Variants in ENTHD1 observed in about 807,000 individuals in gnomAD.
The protein encoded by ENTHD1 is ENTH domain containing 1.
Under a neutral mutation model 39.1 loss-of-function variants are expected in ENTHD1, and 23 were observed. That is an observed-to-expected ratio of 0.59 (90% confidence interval 0.42 to 0.83). The LOEUF is 0.83. ENTHD1 is among the 40% of genes least tolerant of loss of function. The pLI, the probability that ENTHD1 is intolerant of heterozygous loss-of-function variation, is 0.00. For synonymous variants in ENTHD1, 230 were observed against 258.2 expected, an observed-to-expected ratio of 0.89 and a Z score of 1.05; for missense variants, 624 against 705.4, an observed-to-expected ratio of 0.88 and a Z score of 1.31.
In ENTHD1 at chr22:39,887,872, A is replaced by G. The variant is rs2066393763; in HGVS notation, c.-124T>C. The G allele has an allele frequency of 3.2e-6, 2 of 633,882 alleles. No individual in the cohort carries two copies. The highest frequency in any genetic ancestry group is 1.8e-5 in the African/African-American group (1 of 54,502). 39.3% of individuals were successfully genotyped at this position (633,882 alleles called of 1,614,324 possible). A position where few individuals can be genotyped will look rare whatever the true frequency, so the allele number is the denominator to read the frequency against. ...GTTCTGCTGCTCCCAAATACAAATAATTAATCTCTATGTTGATAAAGTATC... is the reference window on the plus strand; with the variant it reads ...GTTCTGCTGCTCCCAAATACAAATAGTTAATCTCTATGTTGATAAAGTATC... On this transcript the variant is annotated 5_prime_UTR_variant, in exon 2 of 7. Coordinates refer to ENST00000325157, the MANE Select transcript of ENTHD1 (RefSeq NM_152512.4).
chr22:39,888,796 C>T (rs1182776541), intron 1 of ENTHD1, among the ~76,000 whole-genome samples: 2 of 152,058 alleles, frequency 1.3e-5, no homozygotes, highest in African/African-American at 4.8e-5. Flanking sequence ...TTCAAAAATT[C>T]CTGGCCTCAA....
chr22:39,816,715 A>G (rs2065736461), intron 5 of ENTHD1, among the ~76,000 whole-genome samples: 1 of 152,178 alleles, frequency 6.6e-6, no homozygotes, highest in Admixed American at 6.5e-5. Flanking sequence ...ATGTTCTATT[A>G]ACTTGGTATA....
chr22:39,857,669 G>A (rs1288174488), intron 3 of ENTHD1, among the ~76,000 whole-genome samples: 2 of 152,026 alleles, frequency 1.3e-5, no homozygotes, highest in Non-Finnish European at 1.5e-5. Flanking sequence ...ATACTGCGGT[G>A]GGCTGGGTTC....
At chr22:39,885,551 T>C (rs2146774457) in intron 2 of ENTHD1, among the ~76,000 whole-genome samples, 1 of 152,280 alleles carries the variant, frequency 6.6e-6, no homozygotes, top group African/African-American at 2.4e-5. Context: ...CACTCCCATG[T>C]TCAGTGCAAT....
At chr22:39,837,017 C>A (rs951718414) in intron 3 of ENTHD1, among the ~76,000 whole-genome samples, 5 of 152,126 alleles carry the variant, frequency 3.3e-5, no homozygotes, top group Admixed American at 6.5e-5. Context: ...TGTACTAATA[C>A]AACCAGTGAA....
intron 3 of ENTHD1, among the ~76,000 whole-genome samples, chr22:39,858,566 T>C (rs960962496): frequency 6.6e-6 from 1 of 152,246 alleles, no homozygotes; most frequent in Non-Finnish European, 1.5e-5. Context: ...ATCAGAGGAA[T>C]CACTATCTAT....
rs76100767 is a variant in ENTHD1, at chr22:39,786,896, C to T, written c.833-21287G>A. On this transcript the variant is annotated intron_variant, in intron 5 of 6. Coordinates refer to ENST00000325157, the MANE Select transcript of ENTHD1 (RefSeq NM_152512.4). The stretch of plus-strand genomic sequence containing the variant: ...TTTTTAAAAAGACTGAATAGTATTC[C>T]ATTACACACGTGCATGTGCACACAC... 3.2e-3 allele frequency among the ~76,000 whole-genome samples: 489 copies of T among 152,238 alleles called. 4 individuals are homozygous for T. Among genetic ancestry groups the T allele is most frequent in the African/African-American group, 0.011 (471 of 41,522 alleles).
chr22:39,879,637 A>AAAG (rs1480109122), intron 2 of ENTHD1, among the ~76,000 whole-genome samples: 1 of 152,150 alleles, frequency 6.6e-6, no homozygotes, highest in East Asian at 1.9e-4. Flanking sequence ...AAATGCTGGT[A>AAAG]AAGATGCAGA....
At chr22:39,846,209 G>T in intron 3 of ENTHD1, among the ~76,000 whole-genome samples, 1 of 152,154 alleles carries the variant, frequency 6.6e-6, no homozygotes, top group Non-Finnish European at 1.5e-5. Flanking sequence ...ATAGGGAAAA[G>T]TTTCTTTTTG....
rs747021483 is a variant in ENTHD1, at chr22:39,860,444, A to G, written c.592+1321T>C. On this transcript the variant is annotated intron_variant, in intron 3 of 6. Coordinates refer to ENST00000325157, the MANE Select transcript of ENTHD1 (RefSeq NM_152512.4). ...TCTTTCGGAGATTTATTTCAAAAGAATCAGATCCCCTAAAGATCCCACCAC... is the reference window on the plus strand; with the variant it reads ...TCTTTCGGAGATTTATTTCAAAAGAGTCAGATCCCCTAAAGATCCCACCAC... Among the ~76,000 whole-genome samples, 96 of 152,330 alleles carry G rather than the reference A, an allele frequency of 6.3e-4. 2 individuals carry two copies. The highest frequency in any genetic ancestry group is 7.1e-4 in the Non-Finnish European group (48 of 68,032).
intron 2 of ENTHD1, among the ~76,000 whole-genome samples, chr22:39,880,577 G>A (rs1386136252): frequency 6.6e-6 from 1 of 152,174 alleles, no homozygotes; most frequent in Admixed American, 6.5e-5. Flanking sequence ...ATGTACAGGG[G>A]AAGAGGGTAT....
intron 2 of ENTHD1, among the ~76,000 whole-genome samples, chr22:39,875,015 G>A (rs1054063267): frequency 6.6e-6 from 1 of 152,100 alleles, no homozygotes. Flanking sequence ...AATGCATATC[G>A]CACAGGAATG....
intron 3 of ENTHD1, among the ~76,000 whole-genome samples, chr22:39,847,458 C>T (rs1268000678): frequency 4.0e-5 from 6 of 150,878 alleles, no homozygotes; most frequent in Admixed American, 4.0e-4. Flanking sequence ...CAGCATGGCA[C>T]ATGTATACAT....
intron 2 of ENTHD1, among the ~76,000 whole-genome samples, chr22:39,868,681 G>T (rs758667606): frequency 6.6e-6 from 1 of 152,148 alleles, no homozygotes; most frequent in African/African-American, 2.4e-5. Context: ...TCAGTGTAAA[G>T]AGACAGCCTA....
At chr22:39,859,355 T>C (rs1299436957) in intron 3 of ENTHD1, among the ~76,000 whole-genome samples, 1 of 152,216 alleles carries the variant, frequency 6.6e-6, no homozygotes. Flanking sequence ...AACTTTTCCT[T>C]TACATTCATA....
chr22:39,819,475 TA>T lies in ENTHD1; in HGVS notation c.832+1517del, dbSNP rs988089550. ...GGAACCCAGAGTGTTAATTACCAAG[TA>T]AAAAAAAAAAATCTAAAAATCATAC... On this transcript the variant is annotated intron_variant, in intron 5 of 6. Transcript: ENST00000325157. 1.7e-3 allele frequency among the ~76,000 whole-genome samples: 239 copies of T among 142,198 alleles called. 3 individuals carry two copies. The East Asian group carries it at 0.029, about 17-fold the overall frequency. 93.3% of individuals were successfully genotyped at this position (142,198 alleles called of 152,430 possible).
At chr22:39,883,012 A>AG (rs1221096413) in intron 2 of ENTHD1, among the ~76,000 whole-genome samples, 1 of 151,236 alleles carries the variant, frequency 6.6e-6, no homozygotes, top group Admixed American at 6.6e-5. Flanking sequence ...TCAAAAAAAA[A>AG]AAAAAAAAAA....
At chr22:39,809,301 A>C (rs2065667694) in intron 5 of ENTHD1, among the ~76,000 whole-genome samples, 1 of 152,230 alleles carries the variant, frequency 6.6e-6, no homozygotes, top group Non-Finnish European at 1.5e-5. Flanking sequence ...CCTGGGTCAC[A>C]CTACTCCTTC....
Position 39,847,071 on chromosome 22 carries a change from G to A in ENTHD1, c.593-11113C>T, listed in dbSNP as rs1206597993. Among the ~76,000 whole-genome samples, 3 of 152,024 alleles carry A rather than the reference G, an allele frequency of 2.0e-5. No homozygotes were observed. The East Asian group carries it at 5.8e-4, about 29-fold the overall frequency. ...ATATACCCAAAGGACACATGCACACGTATGTTTATTGCGTCACTATTCACA... is the reference window on the plus strand; with the variant it reads ...ATATACCCAAAGGACACATGCACACATATGTTTATTGCGTCACTATTCACA... On this transcript the variant is annotated intron_variant, in intron 3 of 6. Coordinates refer to ENST00000325157, the MANE Select transcript of ENTHD1 (RefSeq NM_152512.4).
Sources: gnomAD v4.1 joint callset for allele counts (sites outside exome capture counted in the v4.1 genomes callset) on GRCh38, gnomAD v4.1.1 for gene constraint, MANE v1.5 for transcripts, NCBI Gene and HGNC (gene_info 2026-07-23, HGNC 2026-07-21) for gene names.